Variants in CCDC149 observed in about 807,000 individuals in gnomAD.
CCDC149 encodes the protein coiled-coil domain containing 149.
CCDC149 carries 45 observed loss-of-function variants against 59.9 expected under a neutral mutation model. The observed-to-expected ratio is 0.75, with a 90% confidence interval of 0.59 to 0.96. CCDC149 has a LOEUF of 0.96. Among genes scored for constraint, CCDC149 ranks in the 40% least tolerant of loss-of-function variants. The pLI is 0.00. For missense variants in CCDC149, 584 were observed against 664.7 expected (o/e 0.88, Z 1.33); for synonymous variants, 245 against 260.6 (o/e 0.94, Z 0.58).
chr4:24,941,148 A>G (rs1193448054), intron 1 of CCDC149, among the ~76,000 whole-genome samples: 1 of 152,244 alleles, frequency 6.6e-6, no homozygotes, highest in Non-Finnish European at 1.5e-5. Flanking sequence ...AGTTGGAAGT[A>G]AAACACTCCT....
chr4:24,850,164 CAT>C (rs1387840083), intron 4 of CCDC149, among the ~76,000 whole-genome samples: 1 of 152,122 alleles, frequency 6.6e-6, no homozygotes, highest in Non-Finnish European at 1.5e-5. Flanking sequence ...TTCCTTGAAT[CAT>C]TTTGCTCTTC....
At chr4:24,975,612 G>A (rs571810232) in intron 1 of CCDC149, among the ~76,000 whole-genome samples, 57 of 151,586 alleles carry the variant, frequency 3.8e-4, no homozygotes, top group Non-Finnish European at 6.6e-4. Context: ...GGAAGCATAC[G>A]TCCTGGGGAA....
chr4:24,835,334 T>A (rs1210924622), intron 7 of CCDC149, among the ~76,000 whole-genome samples: 1 of 152,242 alleles, frequency 6.6e-6, no homozygotes, highest in African/African-American at 2.4e-5. Flanking sequence ...GAATGCAGCC[T>A]AACATGTGAA....
chr4:24,824,472 C>T (rs1394228604), intron 9 of CCDC149, among the ~76,000 whole-genome samples: 2 of 152,222 alleles, frequency 1.3e-5, no homozygotes, highest in African/African-American at 2.4e-5. Flanking sequence ...ACATCAGAGG[C>T]CATGCTGAAC....
At chr4:24,959,037 G>A (rs1393914546) in intron 1 of CCDC149, among the ~76,000 whole-genome samples, 2 of 151,320 alleles carry the variant, frequency 1.3e-5, no homozygotes, top group East Asian at 2.0e-4. Flanking sequence ...GCAGTGGCGC[G>A]ATCTTGGCTC....
At chr4:24,838,078 G>C in intron 5 of CCDC149, 78 bp downstream of exon 5, 1 of 1,126,328 alleles carries the variant, frequency 8.9e-7, no homozygotes, top group South Asian at 1.2e-5. Flanking sequence ...GAGAAACGAG[G>C]GGCACAGTCC....
At chr4:24,964,191 C>CAAAAAAA (rs1723728211) in intron 1 of CCDC149, among the ~76,000 whole-genome samples, 1 of 39,938 alleles carries the variant, frequency 2.5e-5, no homozygotes, top group South Asian at 1.2e-3. Flanking sequence ...GAGACCCTAT[C>CAAAAAAA]TAAAAAAAAA....
chr4:24,821,768 C>T (rs145301006), intron 10 of CCDC149, among the ~76,000 whole-genome samples: 2 of 152,180 alleles, frequency 1.3e-5, no homozygotes, highest in East Asian at 3.9e-4. Flanking sequence ...AGTAAAAAGT[C>T]AATGGGGAAT....
At chr4:24,823,484 C>G (rs1437338934) in intron 9 of CCDC149, among the ~76,000 whole-genome samples, 6 of 152,144 alleles carry the variant, frequency 3.9e-5, no homozygotes, top group Non-Finnish European at 8.8e-5. Context: ...AAAAACCAGT[C>G]TTTATTTTAT....
chr4:24,892,362 G>A (rs1271733025), intron 1 of CCDC149, among the ~76,000 whole-genome samples: 2 of 152,184 alleles, frequency 1.3e-5, no homozygotes, highest in Non-Finnish European at 2.9e-5. Flanking sequence ...ATGAAAAGAA[G>A]GCTTTTAGCC....
intron 1 of CCDC149, among the ~76,000 whole-genome samples, chr4:24,921,081 G>A (rs11946846): frequency 0.25 from 37,872 of 152,062 alleles, 5,087 homozygotes; most frequent in African/African-American, 0.36. Context: ...CAGGGATTGC[G>A]CCTACAGTGC....
intron 1 of CCDC149, among the ~76,000 whole-genome samples, chr4:24,948,316 C>T (rs1577500647): frequency 6.6e-6 from 1 of 152,230 alleles, no homozygotes; most frequent in South Asian, 2.1e-4. Flanking sequence ...TCAATCTCCA[C>T]CCTTGTGAAA....
At chr4:24,859,167 C>T (rs1038423984) in intron 3 of CCDC149, among the ~76,000 whole-genome samples, 3 of 152,016 alleles carry the variant, frequency 2.0e-5, no homozygotes, top group Non-Finnish European at 4.4e-5. Flanking sequence ...GAGTACATAG[C>T]CATTCTGTTT....
intron 12 of CCDC149, among the ~76,000 whole-genome samples, chr4:24,810,217 T>G (rs1384104447): frequency 1.3e-5 from 2 of 152,212 alleles, no homozygotes; most frequent in Admixed American, 6.5e-5. Context: ...ATTCTAAATT[T>G]AAGTCCATGA....
intron 4 of CCDC149, among the ~76,000 whole-genome samples, chr4:24,845,799 C>A (rs767867594): frequency 6.6e-6 from 1 of 152,184 alleles, no homozygotes; most frequent in African/African-American, 2.4e-5. Context: ...AACTAAGGCA[C>A]GAAGAAGTCA....
At chr4:24,850,360 G>A (rs1454710726) in intron 4 of CCDC149, among the ~76,000 whole-genome samples, 3 of 152,204 alleles carry the variant, frequency 2.0e-5, no homozygotes, top group African/African-American at 4.8e-5. Context: ...AGAAGCAGAG[G>A]GGCAGAGCAG....
intron 3 of CCDC149, among the ~76,000 whole-genome samples, chr4:24,862,173 T>A (rs1356438420): frequency 6.6e-6 from 1 of 152,138 alleles, no homozygotes; most frequent in African/African-American, 2.4e-5. Flanking sequence ...GTGATAAACA[T>A]ATGCATAATG....
rs114652681 is a variant in CCDC149 at position 24,872,435 on chromosome 4, G to A, written c.264+1246C>T. Among the ~76,000 whole-genome samples, 300 of 151,388 alleles carry A rather than the reference G, an allele frequency of 2.0e-3. 3 individuals carry two copies. Among genetic ancestry groups the A allele is most frequent in the African/African-American group, 6.7e-3 (275 of 41,218 alleles). ...CACCCACTAAACATTATGTACCCACGGAATGGCATTTACCCGCCAAATGGT... is the reference window on the plus strand; with the variant it reads ...CACCCACTAAACATTATGTACCCACAGAATGGCATTTACCCGCCAAATGGT... On this transcript the variant is annotated intron_variant, in intron 3 of 12. Coordinates refer to ENST00000635206, the MANE Select transcript of CCDC149 (RefSeq NM_001330643.2).
At chr4:24,975,184 T>C (rs192754553) in intron 1 of CCDC149, among the ~76,000 whole-genome samples, 2 of 152,204 alleles carry the variant, frequency 1.3e-5, no homozygotes, top group Non-Finnish European at 2.9e-5. Flanking sequence ...AATAAATTTC[T>C]GTTCTTTATT....
Sources: gnomAD v4.1 joint callset for allele counts (sites outside exome capture counted in the v4.1 genomes callset) on GRCh38, gnomAD v4.1.1 for gene constraint, MANE v1.5 for transcripts, NCBI Gene and HGNC (gene_info 2026-07-23, HGNC 2026-07-21) for gene names.